PDZD2: variants seen among roughly 807,000 people sequenced by gnomAD.
The protein encoded by PDZD2 is PDZ domain containing 2, also known as PDZ domain-containing protein 2.
A neutral mutation model predicts 220.7 loss-of-function variants in PDZD2; 90 were observed. That is an observed-to-expected ratio of 0.41 (90% confidence interval 0.34 to 0.49). PDZD2 has a LOEUF of 0.49. PDZD2 is among the 20% of genes least tolerant of loss of function. PDZD2 has a pLI of 0.28. For missense variants in PDZD2, 3,174 were observed against 3,608.5 expected, an observed-to-expected ratio of 0.88 and a Z score of 3.08; for synonymous variants, 1,375 against 1,450.5, an observed-to-expected ratio of 0.95 and a Z score of 1.18.
intron 2 of PDZD2, among the ~76,000 whole-genome samples, chr5:31,865,814 G>A (rs1295913755): frequency 1.3e-5 from 2 of 150,946 alleles, no homozygotes; most frequent in East Asian, 3.9e-4. Context: ...TGTATTTTTA[G>A]TAGAGGCTGG....
chr5:31,899,413 A>C (rs1164615823), intron 2 of PDZD2, among the ~76,000 whole-genome samples: 1 of 152,134 alleles, frequency 6.6e-6, no homozygotes, highest in East Asian at 1.9e-4. Context: ...GATTACAGGC[A>C]TGAGCCAGTG....
At chr5:31,833,299 C>A (rs1376587360) in intron 2 of PDZD2, among the ~76,000 whole-genome samples, 1 of 152,048 alleles carries the variant, frequency 6.6e-6, no homozygotes, top group African/African-American at 2.4e-5. Context: ...AAAACCACGT[C>A]TCTACAAAAA....
chr5:31,900,536 G>A (rs1365180871), intron 2 of PDZD2, among the ~76,000 whole-genome samples: 1 of 152,110 alleles, frequency 6.6e-6, no homozygotes, highest in East Asian at 1.9e-4. Context: ...AAAGGCTCCT[G>A]CAGGATCTGG....
intron 2 of PDZD2, among the ~76,000 whole-genome samples, chr5:31,898,350 G>C (rs1224072369): frequency 2.0e-5 from 3 of 152,200 alleles, no homozygotes; most frequent in East Asian, 3.8e-4. Flanking sequence ...GGTAGATTAG[G>C]CTCCTCCAGC....
chr5:31,983,525 A>G lies in PDZD2; in HGVS notation c.847A>G (p.Arg283Gly). 1 of 1,614,176 alleles carries G rather than the reference A, an allele frequency of 6.2e-7. No individual in the cohort carries two copies. Among genetic ancestry groups the G allele is most frequent in the Non-Finnish European group, 8.5e-7 (1 of 1,180,034 alleles). Residue 283 changes from arginine (R) to glycine (G), a missense_variant, in exon 3 of 25, where the codon AGG (arginine) becomes GGG (glycine). Transcript: ENST00000438447. ...LKEVAGPHLE[R>G]SEVDRGTEHR... Reference sequence around the variant, plus strand: ...GGAGGTGGCTGGACCCCATCTAGAGAGGTCAGAAGTGGACAGAGGGACAGA... The same window carrying G: ...GGAGGTGGCTGGACCCCATCTAGAGGGGTCAGAAGTGGACAGAGGGACAGA...
chr5:32,057,803 T>A lies in PDZD2; in HGVS notation c.1974+75T>A. The A allele has an allele frequency of 5.0e-6, 7 of 1,397,036 alleles. No individual in the cohort carries two copies. The South Asian group carries it at 8.5e-5, about 17-fold the overall frequency. The allele number at this position is 1,397,036 out of a possible 1,614,324, so 86.5% of individuals were successfully genotyped here. ...TCCTTCTGGCTTGGGTTTGGTGAGT[T>A]GTTTTTTTTTTTTAACCCTTTGATA... is the stretch of plus-strand genomic sequence containing the variant. On this transcript the variant is annotated intron_variant, in intron 11 of 24. Transcript: ENST00000438447.
chr5:31,848,258 C>T (rs1757704581), intron 2 of PDZD2: 1 of 178,530 alleles, frequency 5.6e-6, no homozygotes, highest in Admixed American at 5.8e-5. Context: ...GAGCCTTGAC[C>T]ACCATGCTGG....
intron 2 of PDZD2, among the ~76,000 whole-genome samples, chr5:31,884,231 G>GCATGCATACATACATACATA (rs780226158): frequency 6.6e-5 from 10 of 150,576 alleles, no homozygotes; most frequent in Admixed American, 2.0e-4. Context: ...CTGCATGCAT[G>GCATGCATACATACATACATA]CATACATACA....
At chr5:31,878,958 A>G (rs1739598504) in intron 2 of PDZD2, among the ~76,000 whole-genome samples, 1 of 152,174 alleles carries the variant, frequency 6.6e-6, no homozygotes, top group South Asian at 2.1e-4. Flanking sequence ...CTAACTGCAT[A>G]GACACGGCAC....
chr5:31,940,556 G>A (rs568111855), intron 2 of PDZD2, among the ~76,000 whole-genome samples: 1 of 152,334 alleles, frequency 6.6e-6, no homozygotes, highest in South Asian at 2.1e-4. Flanking sequence ...GAGACCAAAA[G>A]TGACTCATTG....
rs531395885 is a variant in PDZD2 at position 31,676,603 on chromosome 5, G to A, written c.-361+37166G>A. ...TTTTTTTGAGACAGAGTCTCGCTCTGTCACCCATGGCATGATCTTGGTTCA... is the reference window on the plus strand; with the variant it reads ...TTTTTTTGAGACAGAGTCTCGCTCTATCACCCATGGCATGATCTTGGTTCA... On this transcript the variant is annotated intron_variant, in intron 1 of 24. Coordinates refer to ENST00000438447, the MANE Select transcript of PDZD2 (RefSeq NM_178140.4). 1.9e-4 allele frequency among the ~76,000 whole-genome samples: 27 copies of A among 141,636 alleles called. 1 individual carries two copies. Among genetic ancestry groups the A allele is most frequent in the Admixed American group, 1.1e-3 (15 of 13,470 alleles). 92.9% of individuals were successfully genotyped at this position (141,636 alleles called of 152,430 possible). A position where few individuals can be genotyped will look rare whatever the true frequency, so the allele number is the denominator to read the frequency against.
At chr5:31,841,600 G>A (rs1757308688) in intron 2 of PDZD2, among the ~76,000 whole-genome samples, 1 of 151,954 alleles carries the variant, frequency 6.6e-6, no homozygotes, top group Admixed American at 6.6e-5. Context: ...TTGAATCCAG[G>A]AGGCGGAGGT....
At chr5:31,662,767 C>T (rs1043161065) in intron 1 of PDZD2, among the ~76,000 whole-genome samples, 1 of 152,168 alleles carries the variant, frequency 6.6e-6, no homozygotes, top group Non-Finnish European at 1.5e-5. Flanking sequence ...GTAGCTGGGA[C>T]TACAGGCGCC....
intron 1 of PDZD2, among the ~76,000 whole-genome samples, chr5:31,719,375 G>C (rs1748643596): frequency 6.6e-6 from 1 of 152,180 alleles, no homozygotes; most frequent in Non-Finnish European, 1.5e-5. Flanking sequence ...AAGCAGACTA[G>C]AGGTTTTGAG....
In PDZD2 at chr5:31,936,963, G is replaced by T. The variant is rs149812808; in HGVS notation, c.477-46192G>T. Among the ~76,000 whole-genome samples the T allele has an allele frequency of 3.8e-4, 58 of 152,296 alleles. 1 individual carries two copies. The East Asian group carries it at 9.8e-3, about 26-fold the overall frequency. On this transcript the variant is annotated intron_variant, in intron 2 of 24. Coordinates refer to ENST00000438447, the MANE Select transcript of PDZD2 (RefSeq NM_178140.4). ...GAATCCTGAATATTTGTCATGGAGTGGGGGGAGTGCAGAGGGTTGGAAACT... is the reference window on the plus strand; with the variant it reads ...GAATCCTGAATATTTGTCATGGAGTTGGGGGAGTGCAGAGGGTTGGAAACT...
At chr5:31,745,693 G>T (rs1580672856) in intron 1 of PDZD2, among the ~76,000 whole-genome samples, 1 of 152,004 alleles carries the variant, frequency 6.6e-6, no homozygotes, top group Admixed American at 6.6e-5. Flanking sequence ...AGACTTCTTT[G>T]TAAGGTCAAA....
At chr5:31,697,186 A>G (rs1651067) in intron 1 of PDZD2, among the ~76,000 whole-genome samples, 68,826 of 152,096 alleles carry the variant, frequency 0.45, 16,266 homozygotes, top group East Asian at 0.62. Context: ...AACACAGCTG[A>G]GCGTGGCGGC....
chr5:31,658,813 G>A (rs995385925), intron 1 of PDZD2, among the ~76,000 whole-genome samples: 2 of 152,000 alleles, frequency 1.3e-5, no homozygotes, highest in African/African-American at 4.8e-5. Flanking sequence ...TAGAGACGGG[G>A]TTTCACCATG....
chr5:31,734,533 G>A (rs1749730330), intron 1 of PDZD2, among the ~76,000 whole-genome samples: 1 of 152,112 alleles, frequency 6.6e-6, no homozygotes, highest in Non-Finnish European at 1.5e-5. Flanking sequence ...TGGCCAGGCT[G>A]GTCTCGAACT....
Sources: allele counts gnomAD v4.1 joint callset (sites outside exome capture counted in the v4.1 genomes callset), GRCh38; gene constraint gnomAD v4.1.1; transcripts MANE v1.5; gene names NCBI Gene and HGNC (gene_info 2026-07-23, HGNC 2026-07-21).